Variants in FOXO4 observed in about 807,000 individuals in gnomAD.
The protein encoded by FOXO4 is forkhead box protein O4.
In FOXO4, 3 loss-of-function variants were observed where a neutral mutation model predicts 20.8. The observed-to-expected ratio is 0.14, with a 90% confidence interval of 0.07 to 0.37. The LOEUF (loss-of-function observed/expected upper bound fraction) is 0.37. FOXO4 is among the 10% of genes least tolerant of loss of function. The pLI, the probability that FOXO4 is intolerant of heterozygous loss-of-function variation, is 1.00. For synonymous variants in FOXO4, 158 were observed against 180.0 expected, an observed-to-expected ratio of 0.88 and a Z score of 0.98; for missense variants, 309 against 431.9, an observed-to-expected ratio of 0.72 and a Z score of 2.52.
chrX:71,097,435 G>A (rs12008108), intron 1 of FOXO4, among the ~76,000 whole-genome samples: 28,096 of 104,666 alleles, frequency 0.27, 3,127 homozygotes, highest in Middle Eastern at 0.48. Context: ...TTGCCTCCCA[G>A]TACCTCAGTG....
At chrX:71,100,255 G>C (rs886747852) in intron 1 of FOXO4, among the ~76,000 whole-genome samples, 1 of 98,541 alleles carries the variant, frequency 1.0e-5, no homozygotes, top group Admixed American at 1.2e-4. Flanking sequence ...GGCATCCCCC[G>C]TGCTCTCTGC....
Position 71,101,362 on chromosome X carries a change from C to A in FOXO4, c.1132C>A (p.Pro378Thr), listed in dbSNP as rs767508308. Residue 378 changes from proline (P) to threonine (T), a missense_variant, in exon 2 of 3, where the codon CCT becomes ACT. By Grantham distance (38) the Pro-to-Thr change is conservative. Transcript: ENST00000374259. ...ALLTSDTPPP[P>T]ADVLMTQVDP... ...GCTCACCTCTGATACGCCACCACCC[C>A]CTGCTGACGTCCTCATGACCCAGGT... 8.3e-7 allele frequency: 1 copy of A among 1,209,521 alleles called. No homozygotes were observed. Among genetic ancestry groups the A allele is most frequent in the African/African-American group, 1.8e-5 (1 of 57,139 alleles).
rs914891268 is a variant in FOXO4 at position 71,096,154 on chromosome X, G to C, written c.-375G>C. On this transcript the variant is annotated 5_prime_UTR_variant, in exon 1 of 3. Coordinates refer to ENST00000374259, the MANE Select transcript of FOXO4 (RefSeq NM_005938.4). ...TGTCCGGGGGGCAGCAACTTAAAAG[G>C]GGGAGGGAACTGCGGCTAAGGAGAC... The C allele has an allele frequency of 4.7e-5, 10 of 211,732 alleles. No homozygotes were observed. Among genetic ancestry groups the C allele is most frequent in the Non-Finnish European group, 7.6e-5 (9 of 117,740 alleles). 17.4% of individuals were successfully genotyped at this position (211,732 alleles called of 1,213,427 possible). A position where few individuals can be genotyped will look rare whatever the true frequency, so the allele number is the denominator to read the frequency against.
At position 71,096,226 on chromosome X, in the gene FOXO4, T is replaced by G; in HGVS notation, c.-303T>G. ...ATATGAGGGGATACAGTGCCTCAGG[T>G]TTAAAAGAGCAGGAAGCTGAGTGAG... On this transcript the variant is annotated 5_prime_UTR_variant, in exon 1 of 3. Transcript: ENST00000374259. 5.5e-6 allele frequency: 2 copies of G among 361,184 alleles called. No homozygotes were observed. The highest frequency in any genetic ancestry group is 9.7e-6 in the Non-Finnish European group (2 of 206,941). The allele number at this position is 361,184 out of a possible 1,213,427, so 29.8% of individuals were successfully genotyped here.
At chrX:71,098,283 C>A (rs758929140) in intron 1 of FOXO4, among the ~76,000 whole-genome samples, 2 of 111,882 alleles carry the variant, frequency 1.8e-5, no homozygotes, top group South Asian at 7.4e-4. Context: ...AACTAGGTAC[C>A]AAAAGGTTAG....
chrX:71,101,688 C>T lies in FOXO4; in HGVS notation c.1458C>T (p.Ile486=). The change falls in exon 2 of 3, where the codon ATC becomes ATT. Residue 486 remains isoleucine, a synonymous_variant. Coordinates refer to ENST00000374259, the MANE Select transcript of FOXO4 (RefSeq NM_005938.4). ...ACCTGGAGTGTGACATGGATAACAT[C>T]ATCAGTGACCTCATGGATGAGGGCG... ...MENLECDMDN[I]ISDLMDEGEG... 1 of 1,211,016 alleles carries T rather than the reference C, an allele frequency of 8.3e-7. No homozygotes were observed. Among genetic ancestry groups the T allele is most frequent in the Non-Finnish European group, 1.1e-6 (1 of 894,935 alleles).
In FOXO4 at chrX:71,102,656, T is replaced by C. The variant is rs2092234737; in HGVS notation, c.*572T>C. 1 of 170,869 alleles carries C rather than the reference T, an allele frequency of 5.9e-6. No individual in the cohort carries two copies. The highest frequency in any genetic ancestry group is 1.1e-5 in the Non-Finnish European group (1 of 89,222). 14.1% of individuals were successfully genotyped at this position (170,869 alleles called of 1,213,427 possible). The stretch of plus-strand genomic sequence containing the variant: ...ATAACAGAAAGGCTTTTTATAAACT[T>C]TTAAAGAAATATAAACACAAATATA... On this transcript the variant is annotated 3_prime_UTR_variant, in exon 3 of 3. Transcript: ENST00000374259.
chrX:71,101,286 C>A lies in FOXO4; in HGVS notation c.1056C>A (p.Pro352=), dbSNP rs776347890. 1 of 1,209,306 alleles carries A rather than the reference C, an allele frequency of 8.3e-7. No individual in the cohort carries two copies. Among genetic ancestry groups the A allele is most frequent in the Admixed American group, 2.2e-5 (1 of 45,752 alleles). The change falls in exon 2 of 3, where the codon CCC becomes CCA. Residue 352 remains proline, a synonymous_variant. Coordinates refer to ENST00000374259, the MANE Select transcript of FOXO4 (RefSeq NM_005938.4). ...CCCTTTTCAGCCCAGCAGAGGGGCC[C>A]CTGTCAGCAGGAGAAGGGTGCTTCT... ...SSSLFSPAEG[P]LSAGEGCFSS...
rs1187468434 is a variant in FOXO4 at position 71,103,478 on chromosome X, G to A, written c.*1394G>A. 2 of 160,094 alleles carry A rather than the reference G, an allele frequency of 1.2e-5. No homozygotes were observed. Among genetic ancestry groups the A allele is most frequent in the African/African-American group, 6.1e-5 (2 of 32,594 alleles). The allele number at this position is 160,094 out of a possible 1,213,427, so 13.2% of individuals were successfully genotyped here. A position where few individuals can be genotyped will look rare whatever the true frequency, so the allele number is the denominator to read the frequency against. On this transcript the variant is annotated 3_prime_UTR_variant, in exon 3 of 3. Transcript: ENST00000374259. ...AGATTGTATCATGTGCTAGATTGGA[G>A]TGGGGAAGTGTGTCAAATCAATAAA...
chrX:71,101,741 G>A lies in FOXO4; in HGVS notation c.1510+1G>A. 8.4e-7 allele frequency: 1 copy of A among 1,189,341 alleles called. No individual in the cohort carries two copies. Among genetic ancestry groups the A allele is most frequent in the Non-Finnish European group, 1.1e-6 (1 of 875,114 alleles). ...GGACTGGACTTCAACTTTGAGCCAG[G>A]TACAGTACCCCCTAATCACCACAGC... On this transcript the variant is annotated splice_donor_variant, in intron 2 of 2. Coordinates refer to ENST00000374259, the MANE Select transcript of FOXO4 (RefSeq NM_005938.4). LOFTEE classifies it high-confidence loss of function.
chrX:71,100,202 G>A (rs1488380376), intron 1 of FOXO4, among the ~76,000 whole-genome samples: 1 of 78,658 alleles, frequency 1.3e-5, no homozygotes, highest in Non-Finnish European at 2.3e-5. Context: ...AAACACACAC[G>A]AAGCCCTGGG....
At position 71,103,069 on chromosome X, in the gene FOXO4, G is replaced by GGGAGA. The variant is rs1222117994; in HGVS notation, c.*987_*991dup. The GGGAGA allele has an allele frequency of 5.7e-6, 1 of 175,939 alleles. No individual in the cohort carries two copies. The highest frequency in any genetic ancestry group is 1.1e-5 in the Non-Finnish European group (1 of 90,962). The allele number at this position is 175,939 out of a possible 1,213,427, so 14.5% of individuals were successfully genotyped here. A position where few individuals can be genotyped will look rare whatever the true frequency, so the allele number is the denominator to read the frequency against. On this transcript the variant is annotated 3_prime_UTR_variant, in exon 3 of 3. Coordinates refer to ENST00000374259, the MANE Select transcript of FOXO4 (RefSeq NM_005938.4). ...TTGGGGCCAGGGAAGGGACTGGGAG[G>GGGAGA]GGAGAGAAGAGAAGGAGGGAAGGAT... is the stretch of plus-strand genomic sequence containing the variant.
chrX:71,099,018 A>G (rs1211386166), intron 1 of FOXO4, among the ~76,000 whole-genome samples: 1 of 111,309 alleles, frequency 9.0e-6, no homozygotes, highest in Admixed American at 9.6e-5. Flanking sequence ...CGTCCCATGT[A>G]CTCAGCCTCC....
rs1050929231 is a variant in FOXO4, at chrX:71,103,247, G to A, written c.*1163G>A. The A allele has an allele frequency of 2.3e-5, 4 of 171,375 alleles. No individual in the cohort carries two copies. The highest frequency in any genetic ancestry group is 4.5e-5 in the Non-Finnish European group (4 of 89,314). 14.1% of individuals were successfully genotyped at this position (171,375 alleles called of 1,213,427 possible). On this transcript the variant is annotated 3_prime_UTR_variant, in exon 3 of 3. Transcript: ENST00000374259. ...GGGAGGAACAGGGAAGGGGGAGCTG[G>A]GGAGCTTGGCTGAGGGTCTGGGAAA... is the stretch of plus-strand genomic sequence containing the variant.
intron 1 of FOXO4, among the ~76,000 whole-genome samples, chrX:71,100,100 C>T (rs1296871874): frequency 1.8e-5 from 2 of 111,734 alleles, no homozygotes; most frequent in Non-Finnish European, 3.8e-5. Context: ...GGGTGCAATG[C>T]TCTTTCCCAC....
At chrX:71,102,044 T>C in intron 2 of FOXO4, 33 bp from the exon 3 acceptor site, 1 of 1,204,086 alleles carries the variant, frequency 8.3e-7, no homozygotes, top group Non-Finnish European at 1.1e-6. Context: ...CAGGTAAGCC[T>C]CTTACCTTGT....
chrX:71,102,373 C>T lies in FOXO4; in HGVS notation c.*289C>T, dbSNP rs2092233987. The T allele has an allele frequency of 2.6e-6, 1 of 379,778 alleles. No homozygotes were observed. The highest frequency in any genetic ancestry group is 2.5e-5 in the African/African-American group (1 of 39,520). 31.3% of individuals were successfully genotyped at this position (379,778 alleles called of 1,213,427 possible). On this transcript the variant is annotated 3_prime_UTR_variant, in exon 3 of 3. Coordinates refer to ENST00000374259, the MANE Select transcript of FOXO4 (RefSeq NM_005938.4). ...CATCGGCTTTCCCCATTCCTACCCA[C>T]TTAGGCTTTGTAGCAAGATGAGCAA...
chrX:71,100,170 A>G (rs949207679), intron 1 of FOXO4, among the ~76,000 whole-genome samples: 5 of 111,012 alleles, frequency 4.5e-5, no homozygotes, highest in Admixed American at 9.5e-5. Context: ...AGCCCCAGGT[A>G]CCGCTCCCCC....
intron 2 of FOXO4, 164 bp downstream of exon 2, chrX:71,101,904 A>T: frequency 1.5e-6 from 1 of 673,451 alleles, no homozygotes; most frequent in Non-Finnish European, 2.3e-6. Flanking sequence ...TAGTTTCCGG[A>T]TGGGACCTCC....
Sources: allele counts gnomAD v4.1 joint callset (sites outside exome capture counted in the v4.1 genomes callset), GRCh38; gene constraint gnomAD v4.1.1; transcripts MANE v1.5; gene names NCBI Gene and HGNC (gene_info 2026-07-23, HGNC 2026-07-21).